The following HERPUD1 variants were observed in gnomAD, a reference collection of about 807,000 sequenced individuals.
HERPUD1 encodes the protein homocysteine-responsive endoplasmic reticulum-resident ubiquitin-like domain member 1 protein.
Under a neutral mutation model 45.0 loss-of-function variants are expected in HERPUD1, and 17 were observed. That is an observed-to-expected ratio of 0.38 (90% CI 0.26 to 0.57). HERPUD1 has a LOEUF of 0.57. Among genes scored for constraint, HERPUD1 ranks in the 20% least tolerant of loss-of-function variants. The pLI is 0.72. For synonymous variants in HERPUD1, 164 were observed against 177.5 expected (o/e 0.92, Z 0.61); for missense variants, 420 against 490.5 (o/e 0.86, Z 1.36).
At position 56,939,295 on chromosome 16, in the gene HERPUD1, C is replaced by T. The variant is rs773297720; in HGVS notation, c.490C>T (p.Pro164Ser). Residue 164 changes from proline (P) to serine (S), a missense_variant, in exon 5 of 8, where the codon CCC (proline) becomes TCC (serine). Coordinates refer to ENST00000439977, the MANE Select transcript of HERPUD1 (RefSeq NM_014685.4). ...GGGTCCTGGTTTCTCCGGTTACACA[C>T]CCTATGGGTGGCTTCAGCTTTCCTG... is the stretch of plus-strand genomic sequence containing the variant. ...GLGPGFSGYT[P>S]YGWLQLSWFQ... is the part of the protein sequence containing the mutation. The T allele has an allele frequency of 9.3e-6, 15 of 1,614,102 alleles. No individual in the cohort carries two copies. Among genetic ancestry groups the T allele is most frequent in the Non-Finnish European group, 1.2e-5 (14 of 1,180,032 alleles).
chr16:56,939,765 A>G, intron 5 of HERPUD1, 130 bp from the exon 6 acceptor site: 1 of 688,350 alleles, frequency 1.5e-6, no homozygotes, highest in Non-Finnish European at 2.4e-6. Context: ...TCTTCACTAA[A>G]TTGAAGAAAA....
chr16:56,935,495 A>G lies in HERPUD1; in HGVS notation c.300+20A>G, dbSNP rs1474706886. 1.2e-6 allele frequency: 2 copies of G among 1,600,686 alleles called. No individual in the cohort carries two copies. Among genetic ancestry groups the G allele is most frequent in the African/African-American group, 2.7e-5 (2 of 74,794 alleles). Reference sequence around the variant, plus strand: ...GCCAAGGTGTGTCTGCCTCTTCATGATGGTAACAATTTGTATCATTCAGAC... The same window carrying G: ...GCCAAGGTGTGTCTGCCTCTTCATGGTGGTAACAATTTGTATCATTCAGAC... On this transcript the variant is annotated intron_variant, in intron 3 of 7. Coordinates refer to ENST00000439977, the MANE Select transcript of HERPUD1 (RefSeq NM_014685.4).
intron 3 of HERPUD1, chr16:56,935,693 G>A (rs1596978098): frequency 3.5e-6 from 2 of 568,808 alleles, no homozygotes; most frequent in East Asian, 5.9e-5. Context: ...GAAAGGTGGA[G>A]TTACATATTG....
Position 56,942,132 on chromosome 16 carries a change from G to A in HERPUD1, c.906G>A (p.Leu302=). 3 of 1,612,138 alleles carry A rather than the reference G, an allele frequency of 1.9e-6. No homozygotes were observed. Among genetic ancestry groups the A allele is most frequent in the Non-Finnish European group, 2.5e-6 (3 of 1,178,238 alleles). Reference sequence around the variant, plus strand: ...GGACTTTTATGTGCTTCCTTTGAAGGCATCACGTTGGGTGGTTTCCATTTA... The same window carrying A: ...GGACTTTTATGTGCTTCCTTTGAAGACATCACGTTGGGTGGTTTCCATTTA... ...MVMGATVVMY[L]HHVGWFPFRP... Residue 302 remains leucine (L), a splice_region_variant and synonymous_variant, in exon 7 of 8, where the codon CTG becomes CTA. Coordinates refer to ENST00000439977, the MANE Select transcript of HERPUD1 (RefSeq NM_014685.4).
chr16:56,943,653 CT>C lies in HERPUD1; in HGVS notation c.*364del, dbSNP rs2055929453. On this transcript the variant is annotated 3_prime_UTR_variant, in exon 8 of 8. Transcript: ENST00000439977. ...AGAAGTCATAGATGCAGAAGTGGTT[CT>C]GCTGGTACGATTTGATTCCTGTTGG... is the stretch of plus-strand genomic sequence containing the variant. 1 of 397,974 alleles carries C rather than the reference CT, an allele frequency of 2.5e-6. No homozygotes were observed. The allele number at this position is 397,974 out of a possible 1,614,324, so 24.7% of individuals were successfully genotyped here.
Position 56,939,976 on chromosome 16 carries a change from A to G in HERPUD1, c.636A>G (p.Pro212=), listed in dbSNP as rs1044020659. The change falls in exon 6 of 8, where the codon CCA becomes CCG. Residue 212 remains proline (P), a synonymous_variant. Transcript: ENST00000439977. ...QEIPVVSAPA[P]APIHNQFPAE... is the part of the protein sequence containing the mutation. Reference sequence around the variant, plus strand: ...TACCTGTGGTCTCTGCACCTGCTCCAGCCCCTATTCACAACCAGTTTCCAG... The same window carrying G: ...TACCTGTGGTCTCTGCACCTGCTCCGGCCCCTATTCACAACCAGTTTCCAG... 3.7e-6 allele frequency: 6 copies of G among 1,614,210 alleles called. No homozygotes were observed. Among genetic ancestry groups the G allele is most frequent in the Non-Finnish European group, 4.2e-6 (5 of 1,180,038 alleles).
rs1458761411 is a variant in HERPUD1, at chr16:56,944,607, AGGT to A, written c.*1319_*1321del. The stretch of plus-strand genomic sequence containing the variant: ...CAGCCTCCCGAATAGCTGGGATTAC[AGGT>A]GCCCACCACAATGTCTGGCTAATTT... On this transcript the variant is annotated 3_prime_UTR_variant, in exon 8 of 8. Transcript: ENST00000439977. 2.0e-5 allele frequency: 3 copies of A among 152,210 alleles called. No homozygotes were observed. In the East Asian group the frequency reaches 5.8e-4, roughly 29 times the overall value. The allele number at this position is 152,210 out of a possible 1,614,324, so 9.4% of individuals were successfully genotyped here. A position where few individuals can be genotyped will look rare whatever the true frequency, so the allele number is the denominator to read the frequency against.
chr16:56,941,938 A>C (rs2055913078), intron 6 of HERPUD1, 194 bp from the exon 7 acceptor site: 1 of 547,100 alleles, frequency 1.8e-6, no homozygotes, highest in African/African-American at 1.9e-5. Flanking sequence ...TGAATAAAAC[A>C]CAGTCCCTGC....
intron 3 of HERPUD1, chr16:56,936,197 T>G (rs2055864874): frequency 6.6e-6 from 1 of 152,646 alleles, no homozygotes; most frequent in African/African-American, 2.4e-5. Context: ...CATAGGAAAT[T>G]CCCTATTTTG....
At position 56,932,224 on chromosome 16, in the gene HERPUD1, C is replaced by G; in HGVS notation, c.-21C>G. 1.2e-6 allele frequency: 2 copies of G among 1,603,038 alleles called. No individual in the cohort carries two copies. The highest frequency in any genetic ancestry group is 2.2e-5 in the South Asian group (2 of 90,616). ...CTGGCACCTAGGAGCGCAGCGGAGCCCCGACACCGCCGCCGCCGCCATGGA... is the reference window on the plus strand; with the variant it reads ...CTGGCACCTAGGAGCGCAGCGGAGCGCCGACACCGCCGCCGCCGCCATGGA... On this transcript the variant is annotated 5_prime_UTR_variant, in exon 1 of 8. Transcript: ENST00000439977.
In HERPUD1 at chr16:56,935,300, C is replaced by G; in HGVS notation, c.213C>G (p.Asp71Glu). ...TGTTGGATCACCAATGTCTCAGGGA[C>G]TTGCTTCCAAAGGTACATCACTTAC... ...KLLLDHQCLR[D>E]LLPKQEKRHV... Residue 71 changes from aspartate (D) to glutamate (E), a missense_variant, in exon 2 of 8, where the codon GAC becomes GAG. Transcript: ENST00000439977. 6.2e-7 allele frequency: 1 copy of G among 1,613,788 alleles called. No homozygotes were observed. The highest frequency in any genetic ancestry group is 8.5e-7 in the Non-Finnish European group (1 of 1,179,662).
intron 3 of HERPUD1, chr16:56,935,783 G>A (rs532970845): frequency 1.9e-5 from 6 of 307,856 alleles, no homozygotes; most frequent in Middle Eastern, 9.7e-4. Context: ...GGTTTTTATT[G>A]AATTTAGCAC....
rs1447532037 is a variant in HERPUD1, at chr16:56,940,122, A to G, written c.782A>G (p.Asn261Ser). Residue 261 changes from asparagine to serine, a missense_variant, in exon 6 of 8, where the codon AAT becomes AGT. Transcript: ENST00000439977. ...GPIVEEDDEI[N>S]RDWLDWTYSA... is the part of the protein sequence containing the mutation. ...ATTGTGGAAGAAGATGATGAAATAA[A>G]TCGAGATTGGTTGGATTGGACCTAT... The G allele has an allele frequency of 1.2e-6, 2 of 1,614,248 alleles. No homozygotes were observed. Among genetic ancestry groups the G allele is most frequent in the Non-Finnish European group, 8.5e-7 (1 of 1,180,040 alleles).
In HERPUD1 at chr16:56,943,485, G is replaced by C. The variant is rs1232892291; in HGVS notation, c.*195G>C. Reference sequence around the variant, plus strand: ...AATTGGTGAACAAAAAATGCCCAAGGCTTCTCATGTCTTTATTCTGAAGAG... The same window carrying C: ...AATTGGTGAACAAAAAATGCCCAAGCCTTCTCATGTCTTTATTCTGAAGAG... On this transcript the variant is annotated 3_prime_UTR_variant, in exon 8 of 8. Transcript: ENST00000439977. 19 of 671,486 alleles carry C rather than the reference G, an allele frequency of 2.8e-5. No individual in the cohort carries two copies. The African/African-American group carries it at 3.4e-4, about 12-fold the overall frequency. 41.6% of individuals were successfully genotyped at this position (671,486 alleles called of 1,614,324 possible).
Position 56,943,913 on chromosome 16 carries a change from C to A in HERPUD1, c.*623C>A, listed in dbSNP as rs2055931798. On this transcript the variant is annotated 3_prime_UTR_variant, in exon 8 of 8. Coordinates refer to ENST00000439977, the MANE Select transcript of HERPUD1 (RefSeq NM_014685.4). The stretch of plus-strand genomic sequence containing the variant: ...ACTCCTGTCATCCTAGCAGTTTACT[C>A]TGCGTTTGTTGTATCTAGACAGTCA... 1 of 188,366 alleles carries A rather than the reference C, an allele frequency of 5.3e-6. No homozygotes were observed. The highest frequency in any genetic ancestry group is 1.1e-5 in the Non-Finnish European group (1 of 88,204). The allele number at this position is 188,366 out of a possible 1,614,324, so 11.7% of individuals were successfully genotyped here.
chr16:56,932,991 G>A (rs1489851785), intron 1 of HERPUD1, among the ~76,000 whole-genome samples: 2 of 152,194 alleles, frequency 1.3e-5, no homozygotes, highest in African/African-American at 4.8e-5. Flanking sequence ...GGCAGGAGTC[G>A]CCTTCAGTCT....
At chr16:56,941,430 G>A (rs2055909029) in intron 6 of HERPUD1, 1 of 152,210 alleles carries the variant, frequency 6.6e-6, no homozygotes, top group African/African-American at 2.4e-5. Flanking sequence ...AAGCAAGAGT[G>A]CTGCTGAATT....
intron 4 of HERPUD1, 50 bp from the exon 5 acceptor site, chr16:56,939,187 G>T (rs1459061383): frequency 1.9e-6 from 3 of 1,580,812 alleles, no homozygotes; most frequent in Non-Finnish European, 2.6e-6. Context: ...GTTTTCATTT[G>T]TTCATACTCA....
Position 56,939,395 on chromosome 16 carries a change from C to A in HERPUD1, c.554+36C>A, listed in dbSNP as rs1255661084. On this transcript the variant is annotated intron_variant, in intron 5 of 7. Transcript: ENST00000439977. ...CCCGCCATGCTGGGTGTGGCCAGGG[C>A]TCCCGGGAATTGAAGGGAATTTTAT... 1.9e-6 allele frequency: 3 copies of A among 1,612,522 alleles called. No homozygotes were observed. The South Asian group carries it at 3.3e-5, about 18-fold the overall frequency.
Sources: allele counts gnomAD v4.1 joint callset (sites outside exome capture counted in the v4.1 genomes callset), GRCh38; gene constraint gnomAD v4.1.1; transcripts MANE v1.5; gene names NCBI Gene and HGNC (gene_info 2026-07-23, HGNC 2026-07-21).